TPCN1: variants seen among roughly 807,000 people sequenced by gnomAD.
TPCN1 encodes the protein two pore segment channel 1, also known as two pore channel protein 1.
A neutral mutation model predicts 108.8 loss-of-function variants in TPCN1; 52 were observed. The observed-to-expected ratio is 0.48, with a 90% CI of 0.38 to 0.60. The LOEUF (loss-of-function observed/expected upper bound fraction) is 0.60. TPCN1 is among the 20% of genes least tolerant of loss of function. TPCN1 has a pLI of 0.00. For missense variants in TPCN1, 806 were observed against 1,072.8 expected (o/e 0.75, Z 3.47); for synonymous variants, 446 against 433.7 (o/e 1.03, Z -0.35).
At chr12:113,258,864 C>T (rs978268806) in intron 2 of TPCN1, among the ~76,000 whole-genome samples, 1 of 152,164 alleles carries the variant, frequency 6.6e-6, no homozygotes, top group Non-Finnish European at 1.5e-5. Context: ...ATCAGAAGGA[C>T]CTTTTGCAAC....
intron 1 of TPCN1, among the ~76,000 whole-genome samples, chr12:113,224,504 C>CT (rs1181050847): frequency 6.6e-6 from 1 of 151,948 alleles, no homozygotes; most frequent in African/African-American, 2.4e-5. Context: ...TCACGCCTTT[C>CT]TCCTGCCTCA....
intron 15 of TPCN1, among the ~76,000 whole-genome samples, chr12:113,283,280 T>A (rs996399823): frequency 2.0e-5 from 3 of 152,190 alleles, no homozygotes; most frequent in African/African-American, 7.2e-5. Flanking sequence ...TAGCATATTT[T>A]ATGCACTTTT....
In TPCN1 at chr12:113,273,656, C is replaced by T. The variant is rs1426058594; in HGVS notation, c.930C>T (p.Phe310=). The T allele has an allele frequency of 1.9e-6, 3 of 1,613,886 alleles. No homozygotes were observed. The Admixed American group carries it at 5.0e-5, about 27-fold the overall frequency. ...FIVYLSIELY[F]IMNLLLAVVF... is the part of the protein sequence containing the mutation. The stretch of plus-strand genomic sequence containing the variant: ...TGTACCTCTCCATCGAGCTGTATTT[C>T]ATCATGAACCTGGTGAGTGACTATG... Residue 310 remains phenylalanine (F), a synonymous_variant, in exon 10 of 28, where the codon TTC becomes TTT. Transcript: ENST00000335509. This position sits in a 1 kb window ranked among gnomAD's most constrained non-coding sequence, Gnocchi z 4.0.
intron 3 of TPCN1, among the ~76,000 whole-genome samples, chr12:113,261,976 C>A (rs1461583998): frequency 2.6e-5 from 4 of 152,134 alleles, no homozygotes; most frequent in African/African-American, 7.2e-5. Context: ...ATCCTCTGCA[C>A]AGGAAGTATT....
In TPCN1 at chr12:113,291,916, G is replaced by A. The variant is rs369439889; in HGVS notation, c.2071G>A (p.Val691Ile). The change falls in exon 25 of 28, where the codon GTC (valine) becomes ATC (isoleucine). Residue 691 changes from valine (V) to isoleucine (I), a missense_variant. Physicochemically the swap from Val to Ile is conservative, Grantham distance 29. Coordinates refer to ENST00000335509, the MANE Select transcript of TPCN1 (RefSeq NM_017901.6). ...TGTCGCCTTTATCCTCGAGGCCTTC[G>A]TCTTCCGAATGAACTACAGCCGCAA... ...IIVAFILEAF[V>I]FRMNYSRKNQ... is the part of the protein sequence containing the mutation. The A allele has an allele frequency of 3.7e-5, 60 of 1,613,428 alleles. No individual in the cohort carries two copies. Among genetic ancestry groups the A allele is most frequent in the African/African-American group, 1.7e-4 (13 of 74,668 alleles).
At chr12:113,264,072 AT>A (rs11333427) in intron 3 of TPCN1, among the ~76,000 whole-genome samples, 13,945 of 147,784 alleles carry the variant, frequency 0.094, 722 homozygotes, top group East Asian at 0.21. Flanking sequence ...CAAGAAATAC[AT>A]TTTTTTTTTT....
intron 1 of TPCN1, among the ~76,000 whole-genome samples, chr12:113,224,284 G>A (rs1487422179): frequency 6.6e-6 from 1 of 152,080 alleles, no homozygotes; most frequent in Admixed American, 6.5e-5. Flanking sequence ...TGTAATGGGG[G>A]GATAATAAGC....
At chr12:113,239,682 C>A (rs938009000) in intron 2 of TPCN1, among the ~76,000 whole-genome samples, 2 of 152,142 alleles carry the variant, frequency 1.3e-5, no homozygotes, top group African/African-American at 4.8e-5. Context: ...GTTGCTGCCC[C>A]TAGGAACAGC....
chr12:113,223,489 G>A (rs527918205), intron 1 of TPCN1, among the ~76,000 whole-genome samples: 25 of 147,366 alleles, frequency 1.7e-4, no homozygotes, highest in Non-Finnish European at 3.7e-4. Context: ...TGCATAAATA[G>A]GAGCTGTAAC....
Position 113,284,251 on chromosome 12 carries a change from A to C in TPCN1, c.1343-330A>C, listed in dbSNP as rs561298666. On this transcript the variant is annotated intron_variant, in intron 15 of 27. Transcript: ENST00000335509. This position sits in a 1 kb window ranked among gnomAD's most constrained non-coding sequence, Gnocchi z 4.1. Reference sequence around the variant, plus strand: ...AAATTAGAAGTCTCTAGGGGAAAACAAGTGTTTTCAATACTTGAATGCCTG... The same window carrying C: ...AAATTAGAAGTCTCTAGGGGAAAACCAGTGTTTTCAATACTTGAATGCCTG... Among the ~76,000 whole-genome samples, 1 of 152,358 alleles carries C rather than the reference A, an allele frequency of 6.6e-6. No individual in the cohort carries two copies. Among genetic ancestry groups the C allele is most frequent in the African/African-American group, 2.4e-5 (1 of 41,590 alleles).
intron 2 of TPCN1, chr12:113,246,012 G>T (rs75928776): frequency 2.0e-5 from 9 of 456,018 alleles, no homozygotes; most frequent in Non-Finnish European, 3.5e-5. Flanking sequence ...TCGAGGGAGC[G>T]TCTGGGCCCT....
At position 113,276,840 on chromosome 12, in the gene TPCN1, G is replaced by C. The variant is rs1955687848; in HGVS notation, c.943-79G>C. The C allele has an allele frequency of 1.9e-5, 18 of 952,382 alleles. 1 individual carries two copies. The South Asian group carries it at 2.4e-4, about 13-fold the overall frequency. The allele number at this position is 952,382 out of a possible 1,614,324, so 59.0% of individuals were successfully genotyped here. ...GACTGGGTAAGAGCCTTGCCTAGATGATGAACTCATACCCCCCTGCACTCC... is the reference window on the plus strand; with the variant it reads ...GACTGGGTAAGAGCCTTGCCTAGATCATGAACTCATACCCCCCTGCACTCC... On this transcript the variant is annotated intron_variant, in intron 10 of 27. Transcript: ENST00000335509.
At chr12:113,264,330 G>T (rs1484066307) in intron 3 of TPCN1, among the ~76,000 whole-genome samples, 1 of 152,210 alleles carries the variant, frequency 6.6e-6, no homozygotes, top group Non-Finnish European at 1.5e-5. Flanking sequence ...CTTCAGGGAA[G>T]TGACTCACTC....
At chr12:113,233,296 C>T (rs1953761443) in intron 2 of TPCN1, among the ~76,000 whole-genome samples, 1 of 152,238 alleles carries the variant, frequency 6.6e-6, no homozygotes, top group African/African-American at 2.4e-5. Context: ...CCCCACTCGC[C>T]TGGGGGAGGG....
chr12:113,266,079 T>C lies in TPCN1; in HGVS notation c.238-101T>C. Reference sequence around the variant, plus strand: ...TTCTGTCTCTGGCCTGAATCTCTCCTCGCCTGCCTGGGGCCTTCCTTTCCT... The same window carrying C: ...TTCTGTCTCTGGCCTGAATCTCTCCCCGCCTGCCTGGGGCCTTCCTTTCCT... On this transcript the variant is annotated intron_variant, in intron 3 of 27. Coordinates refer to ENST00000335509, the MANE Select transcript of TPCN1 (RefSeq NM_017901.6). The surrounding 1 kb of genome is among the most constrained non-coding windows in gnomAD (Gnocchi z 4.2). 7.6e-7 allele frequency: 1 copy of C among 1,307,710 alleles called. No individual in the cohort carries two copies. The highest frequency in any genetic ancestry group is 1.1e-6 in the Non-Finnish European group (1 of 932,796). The allele number at this position is 1,307,710 out of a possible 1,614,324, so 81.0% of individuals were successfully genotyped here.
chr12:113,280,381 A>G (rs1188364789), intron 15 of TPCN1, 186 bp downstream of exon 15: 1 of 487,240 alleles, frequency 2.1e-6, no homozygotes, highest in Non-Finnish European at 3.7e-6. Flanking sequence ...ACCCATCTGT[A>G]TCTTCACTCC....
At chr12:113,290,739 G>A (rs1430822898) in intron 22 of TPCN1, among the ~76,000 whole-genome samples, 2 of 152,224 alleles carry the variant, frequency 1.3e-5, no homozygotes, top group African/African-American at 4.8e-5. Flanking sequence ...GAGGCAGAGG[G>A]TGTGTTCTCT....
chr12:113,272,636 A>T lies in TPCN1; in HGVS notation c.749-22A>T, dbSNP rs1185899786. 6.2e-7 allele frequency: 1 copy of T among 1,612,066 alleles called. No individual in the cohort carries two copies. Among genetic ancestry groups the T allele is most frequent in the South Asian group, 1.1e-5 (1 of 91,048 alleles). ...GACCTCTGCTCTAATCCTTTTGTTT[A>T]TCTGTTTCCACCCACTTCTAGGTTT... On this transcript the variant is annotated intron_variant, in intron 7 of 27. Coordinates refer to ENST00000335509, the MANE Select transcript of TPCN1 (RefSeq NM_017901.6). This position sits in a 1 kb window ranked among gnomAD's most constrained non-coding sequence, Gnocchi z 4.1.
chr12:113,295,998 G>GC lies in TPCN1; in HGVS notation c.2374dup (p.Arg792ProfsTer38). 2 of 1,612,430 alleles carry GC rather than the reference G, an allele frequency of 1.2e-6. No individual in the cohort carries two copies. The highest frequency in any genetic ancestry group is 1.7e-6 in the Non-Finnish European group (2 of 1,179,640). On this transcript the variant is annotated frameshift_variant, in exon 28 of 28. Transcript: ENST00000335509. LOFTEE classifies it low-confidence loss of function (END_TRUNC). ...AGCATGCCAGGGAGCAAGAGCAGCA[G>GC]CGACAACTCAGCAGCAGTGCAGCCC...
Sources: gnomAD v4.1 joint callset for allele counts (sites outside exome capture counted in the v4.1 genomes callset) on GRCh38, gnomAD v4.1.1 for gene constraint, Gnocchi (gnomAD v3.1) non-coding constraint, MANE v1.5 for transcripts, NCBI Gene and HGNC (gene_info 2026-07-23, HGNC 2026-07-21) for gene names.